Variants in FIBCD1 observed in about 807,000 individuals in gnomAD.
FIBCD1 encodes the protein fibrinogen C domain-containing protein 1.
FIBCD1 carries 47 observed loss-of-function variants against 45.1 expected under a neutral mutation model. That is an observed-to-expected ratio of 1.04 (90% CI 0.82 to 1.33). The LOEUF is 1.33. FIBCD1 is among the 40% of genes most tolerant of loss of function. FIBCD1 has a pLI of 0.00. For synonymous variants in FIBCD1, 313 were observed against 308.1 expected (o/e 1.02, Z -0.17); for missense variants, 653 against 682.2 (o/e 0.96, Z 0.48).
intron 5 of FIBCD1, 35 bp downstream of exon 5, chr9:130,911,757 G>C (rs768960152): frequency 7.1e-6 from 11 of 1,553,868 alleles, no homozygotes; most frequent in Non-Finnish European, 9.6e-6. Flanking sequence ...GGGGGAGGAG[G>C]CCCACCTGGG....
rs139440757 is a variant in FIBCD1, at chr9:130,925,597, G to A, written c.553-1201C>T. ...AGAGCCTGGGCTGGGGAGCTCAGCC[G>A]TTGTTCTCCATCCTTCACCCCCGCC... On this transcript the variant is annotated intron_variant, in intron 2 of 6. Transcript: ENST00000372338. Among the ~76,000 whole-genome samples, 766 of 152,274 alleles carry A rather than the reference G, an allele frequency of 5.0e-3. 8 individuals carry two copies. Among genetic ancestry groups the A allele is most frequent in the African/African-American group, 0.017 (720 of 41,566 alleles).
At chr9:130,924,960 G>A (rs1832333567) in intron 2 of FIBCD1, among the ~76,000 whole-genome samples, 1 of 152,120 alleles carries the variant, frequency 6.6e-6, no homozygotes, top group African/African-American at 2.4e-5. Flanking sequence ...GCACCTTCCA[G>A]GCTACCAGAC....
chr9:130,921,536 C>T (rs940796341), intron 4 of FIBCD1, among the ~76,000 whole-genome samples: 9 of 152,256 alleles, frequency 5.9e-5, no homozygotes, highest in African/African-American at 2.2e-4. Flanking sequence ...GGGATTTCCT[C>T]ATCGACTCCC....
intron 1 of FIBCD1, among the ~76,000 whole-genome samples, chr9:130,934,449 A>C (rs567126572): frequency 6.6e-6 from 1 of 152,134 alleles, no homozygotes; most frequent in Admixed American, 6.5e-5. Context: ...GGCCACAGGG[A>C]GGGGCGCAGG....
intron 4 of FIBCD1, among the ~76,000 whole-genome samples, chr9:130,912,095 G>A (rs528592841): frequency 3.9e-5 from 6 of 152,058 alleles, no homozygotes; most frequent in Admixed American, 1.3e-4. Flanking sequence ...ATGGTGGCTC[G>A]AGGTGGGATT....
At position 130,905,319 on chromosome 9, in the gene FIBCD1, G is replaced by T. The variant is rs202150215; in HGVS notation, c.1041C>A (p.Tyr347Ter). 25 of 1,614,034 alleles carry T rather than the reference G, an allele frequency of 1.5e-5. No homozygotes were observed. The highest frequency in any genetic ancestry group is 2.0e-5 in the Non-Finnish European group (24 of 1,180,014). The change falls in exon 6 of 7, where the codon TAC becomes TAA. Residue 347 changes from tyrosine to a stop codon, truncating the protein, a stop_gained. Coordinates refer to ENST00000372338, the MANE Select transcript of FIBCD1 (RefSeq NM_032843.5). LOFTEE classifies it high-confidence loss of function. ...DFENGTAYARYGSFGVGLFSV... is the reference protein window; with the variant it reads ...DFENGTAYAR ...AGAACAAGCCCACGCCGAAGCTCCCGTAGCGGGCATAGGCCGTGCCATTCT... is the reference window on the plus strand; with the variant it reads ...AGAACAAGCCCACGCCGAAGCTCCCTTAGCGGGCATAGGCCGTGCCATTCT...
chr9:130,920,167 G>A (rs887850087), intron 4 of FIBCD1, among the ~76,000 whole-genome samples: 4 of 152,164 alleles, frequency 2.6e-5, no homozygotes, highest in African/African-American at 9.7e-5. Flanking sequence ...ACAGCCAGGG[G>A]CGCTGGGGGT....
rs995190739 is a variant in FIBCD1 at position 130,926,275 on chromosome 9, C to G, written c.553-1879G>C. 2.0e-5 allele frequency among the ~76,000 whole-genome samples: 3 copies of G among 152,258 alleles called. No individual in the cohort carries two copies. The highest frequency in any genetic ancestry group is 7.2e-5 in the African/African-American group (3 of 41,468). The stretch of plus-strand genomic sequence containing the variant: ...AAAACTCAGGCACGGCCTCCTCCCT[C>G]TTGCTAACGGGCAGGGAAGACCTCT... On this transcript the variant is annotated intron_variant, in intron 2 of 6. Transcript: ENST00000372338. This position sits in a 1 kb window ranked among gnomAD's most constrained non-coding sequence, Gnocchi z 4.1.
intron 4 of FIBCD1, among the ~76,000 whole-genome samples, chr9:130,913,759 CCT>C (rs1005324219): frequency 1.3e-4 from 20 of 152,288 alleles, no homozygotes; most frequent in Non-Finnish European, 2.2e-4. Flanking sequence ...CAGGCACTCC[CCT>C]GAGAAGGCAG....
intron 5 of FIBCD1, among the ~76,000 whole-genome samples, chr9:130,911,360 C>G (rs138625668): frequency 1.6e-4 from 25 of 152,344 alleles, no homozygotes; most frequent in African/African-American, 6.0e-4. Context: ...TGGACACACT[C>G]AGCACCACTG....
chr9:130,933,385 A>T (rs1243846949), intron 1 of FIBCD1, among the ~76,000 whole-genome samples: 4 of 151,938 alleles, frequency 2.6e-5, no homozygotes, highest in East Asian at 3.9e-4. Flanking sequence ...AATGGGGAGG[A>T]TGCACACAGA....
At chr9:130,928,629 C>G (rs1006372195) in intron 2 of FIBCD1, among the ~76,000 whole-genome samples, 32 of 152,198 alleles carry the variant, frequency 2.1e-4, no homozygotes, top group African/African-American at 7.7e-4. Flanking sequence ...TGACCAAATG[C>G]CTGGATCTCT....
At position 130,916,522 on chromosome 9, in the gene FIBCD1, G is replaced by A. The variant is rs530884858; in HGVS notation, c.850-4634C>T. On this transcript the variant is annotated intron_variant, in intron 4 of 6. Coordinates refer to ENST00000372338, the MANE Select transcript of FIBCD1 (RefSeq NM_032843.5). ...GCAAGTGCCGAGCACGGCCCAGATC[G>A]TCAGGTGGGTCCTCCCAGCTTCCCG... 2.0e-5 allele frequency among the ~76,000 whole-genome samples: 3 copies of A among 152,358 alleles called. No homozygotes were observed. The South Asian group carries it at 6.2e-4, about 32-fold the overall frequency.
intron 5 of FIBCD1, among the ~76,000 whole-genome samples, chr9:130,906,345 G>A (rs1252632503): frequency 2.0e-5 from 3 of 152,118 alleles, no homozygotes; most frequent in African/African-American, 7.2e-5. Context: ...TATTCCATCC[G>A]CTTCTCCCTC....
At chr9:130,939,660 C>G (rs1019849240), upstream of FIBCD1, among the ~76,000 whole-genome samples, 3 of 151,562 alleles carry the variant, frequency 2.0e-5, no homozygotes, top group African/African-American at 7.3e-5. Flanking sequence ...CGGCCGCGCT[C>G]CCGGCCGATC....
Position 130,911,880 on chromosome 9 carries a change from C to A in FIBCD1, c.858G>T (p.Gln286His). ...AGTTCACGGAGCCGTCCTCCCGGCG[C>A]TGAAACACCTGCAAAGGGAAGATGG... ...RTDGGGWTVF[Q>H]RREDGSVNFF... is the part of the protein sequence containing the mutation. Residue 286 changes from glutamine to histidine, a missense_variant, in exon 5 of 7, where the codon CAG (glutamine) becomes CAT (histidine). Gln to His is a conservative substitution (Grantham distance 24). Transcript: ENST00000372338. The A allele has an allele frequency of 6.3e-7, 1 of 1,577,458 alleles. No homozygotes were observed. Among genetic ancestry groups the A allele is most frequent in the Non-Finnish European group, 8.6e-7 (1 of 1,162,930 alleles).
intron 1 of FIBCD1, among the ~76,000 whole-genome samples, chr9:130,935,331 C>G (rs1223689485): frequency 6.6e-6 from 1 of 152,202 alleles, no homozygotes; most frequent in African/African-American, 2.4e-5. Context: ...GCCCCAAGCT[C>G]CAAGACCAGA....
At chr9:130,935,871 C>T (rs1832511081) in intron 1 of FIBCD1, among the ~76,000 whole-genome samples, 1 of 152,206 alleles carries the variant, frequency 6.6e-6, no homozygotes, top group South Asian at 2.1e-4. Context: ...TAGTCGTGGC[C>T]TGTGACCTAC....
rs1832361831 is a variant in FIBCD1 at position 130,926,477 on chromosome 9, G to C, written c.553-2081C>G. On this transcript the variant is annotated intron_variant, in intron 2 of 6. Coordinates refer to ENST00000372338, the MANE Select transcript of FIBCD1 (RefSeq NM_032843.5). The surrounding 1 kb of genome is among the most constrained non-coding windows in gnomAD (Gnocchi z 4.1). ...CGGCACTGCTTAGCTGTGTGAGTGA[G>C]CTTGCACACGCACCTGTCACTCAGA... 1.3e-5 allele frequency among the ~76,000 whole-genome samples: 2 copies of C among 152,218 alleles called. No homozygotes were observed. Among genetic ancestry groups the C allele is most frequent in the Non-Finnish European group, 2.9e-5 (2 of 68,044 alleles).
Sources: allele counts gnomAD v4.1 joint callset (sites outside exome capture counted in the v4.1 genomes callset), GRCh38; gene constraint gnomAD v4.1.1; non-coding constraint Gnocchi (gnomAD v3.1); transcripts MANE v1.5; gene names NCBI Gene and HGNC (gene_info 2026-07-23, HGNC 2026-07-21).